Variants in ZNF354B observed in about 807,000 individuals in gnomAD.
ZNF354B encodes the protein zinc finger protein 354B.
In ZNF354B, 10 loss-of-function variants were observed where a neutral mutation model predicts 12.9. The ratio of observed to expected loss-of-function variants is 0.77; its 90% CI spans 0.48 to 1.31. The LOEUF is 1.31. Ranked by LOEUF, ZNF354B falls within the 40% of genes most tolerant of loss-of-function variation. ZNF354B has a pLI of 0.00. For missense variants in ZNF354B, 614 were observed against 711.7 expected (o/e 0.86, Z 1.56); for synonymous variants, 260 against 243.7 (o/e 1.07, Z -0.62).
In ZNF354B at chr5:178,864,493, A is replaced by T. The variant is rs12652691; in HGVS notation, c.34-1751A>T. On this transcript the variant is annotated intron_variant, in intron 2 of 4. Coordinates refer to ENST00000322434, the MANE Select transcript of ZNF354B (RefSeq NM_058230.3). Reference sequence around the variant, plus strand: ...AGAATGTACCTCCATCGTTAATGCGACACACGACTGTGTACTCTATATATT... The same window carrying T: ...AGAATGTACCTCCATCGTTAATGCGTCACACGACTGTGTACTCTATATATT... Among the ~76,000 whole-genome samples, 1,225 of 152,308 alleles carry T rather than the reference A, an allele frequency of 8.0e-3. 63 individuals are homozygous for T. The East Asian group carries it at 0.13, about 16-fold the overall frequency.
At chr5:178,872,726 C>G (rs1757582042) in intron 4 of ZNF354B, among the ~76,000 whole-genome samples, 1 of 152,212 alleles carries the variant, frequency 6.6e-6, no homozygotes, top group South Asian at 2.1e-4. Context: ...TTGTGTGTTG[C>G]TAACATCTGT....
intron 4 of ZNF354B, among the ~76,000 whole-genome samples, chr5:178,869,152 C>G (rs1757515830): frequency 6.6e-6 from 1 of 152,136 alleles, no homozygotes; most frequent in South Asian, 2.1e-4. Flanking sequence ...AGGCTGCATT[C>G]TGCAGCTGCC....
intron 4 of ZNF354B, among the ~76,000 whole-genome samples, chr5:178,872,561 A>T (rs1040261212): frequency 6.6e-6 from 1 of 152,196 alleles, no homozygotes; most frequent in African/African-American, 2.4e-5. Flanking sequence ...AGACATAGCC[A>T]AGTTGTTTTC....
intron 4 of ZNF354B, among the ~76,000 whole-genome samples, chr5:178,872,658 C>G (rs1757581324): frequency 6.6e-6 from 1 of 152,172 alleles, no homozygotes; most frequent in African/African-American, 2.4e-5. Flanking sequence ...TGCCTTGGTA[C>G]TACTATTTAT....
intron 2 of ZNF354B, 131 bp downstream of exon 2, chr5:178,861,211 G>A: frequency 8.7e-7 from 1 of 1,146,122 alleles, no homozygotes; most frequent in Non-Finnish European, 1.3e-6. Flanking sequence ...CCGCCCTCAT[G>A]ACTGGTGGAT....
chr5:178,876,425 T>C (rs959430913), intron 4 of ZNF354B, among the ~76,000 whole-genome samples: 10 of 152,344 alleles, frequency 6.6e-5, no homozygotes, highest in Middle Eastern at 3.4e-3. Context: ...TGCCTCTCCC[T>C]TCGGGAGCTC....
intron 4 of ZNF354B, among the ~76,000 whole-genome samples, chr5:178,872,924 T>G (rs938358909): frequency 1.3e-4 from 20 of 152,036 alleles, no homozygotes; most frequent in African/African-American, 4.8e-4. Context: ...GTAGCTGGGA[T>G]TACAGGTGCA....
At chr5:178,868,211 A>G (rs1468765770) in intron 4 of ZNF354B, among the ~76,000 whole-genome samples, 3 of 150,464 alleles carry the variant, frequency 2.0e-5, no homozygotes, top group Non-Finnish European at 4.4e-5. Context: ...GCCCATCAGC[A>G]TGACGGGCAT....
chr5:178,865,850 T>G (rs936129933), intron 2 of ZNF354B, among the ~76,000 whole-genome samples: 1 of 110,042 alleles, frequency 9.1e-6, no homozygotes, highest in African/African-American at 4.4e-5. Flanking sequence ...TTGTTTCCTG[T>G]TTTTTTTTGC....
chr5:178,873,256 C>T lies in ZNF354B; in HGVS notation c.256+6185C>T, dbSNP rs117829390. Among the ~76,000 whole-genome samples the T allele has an allele frequency of 5.3e-5, 8 of 152,176 alleles. No homozygotes were observed. The East Asian group carries it at 1.5e-3, about 29-fold the overall frequency. ...CTTACTCTGTAGTTTGTCTTTTTAT[C>T]GTTTTTACTGGTTCTTTTGAAGAAC... On this transcript the variant is annotated intron_variant, in intron 4 of 4. Coordinates refer to ENST00000322434, the MANE Select transcript of ZNF354B (RefSeq NM_058230.3).
chr5:178,883,072 T>A lies in ZNF354B; in HGVS notation c.620T>A (p.Ile207Asn), dbSNP rs144838417. The A allele has an allele frequency of 1.2e-6, 2 of 1,605,428 alleles. No homozygotes were observed. The highest frequency in any genetic ancestry group is 1.7e-6 in the Non-Finnish European group (2 of 1,177,860). Reference protein sequence around the residue: ...QNSNLLNQSKIKTAEKRYKCS... With the variant: ...QNSNLLNQSKNKTAEKRYKCS... ...TCAAATTTACTTAACCAATCAAAAA[T>A]CAAAACAGCAGAGAAACGCTATAAA... The change falls in exon 5 of 5, where the codon ATC (isoleucine) becomes AAC (asparagine). Residue 207 changes from isoleucine (I) to asparagine (N), a missense_variant. By Grantham distance (149) the Ile-to-Asn change is moderately radical (BLOSUM62 -3). Coordinates refer to ENST00000322434, the MANE Select transcript of ZNF354B (RefSeq NM_058230.3).
At chr5:178,870,817 C>T (rs1413683342) in intron 4 of ZNF354B, among the ~76,000 whole-genome samples, 1 of 152,030 alleles carries the variant, frequency 6.6e-6, no homozygotes, top group Admixed American at 6.6e-5. Context: ...CCCTGTAGCC[C>T]TATTGCATTT....
rs1031245461 is a variant in ZNF354B at position 178,884,018 on chromosome 5, T to C, written c.1566T>C (p.Tyr522=). Residue 522 remains tyrosine, a synonymous_variant, in exon 5 of 5, where the codon TAT becomes TAC. Coordinates refer to ENST00000322434, the MANE Select transcript of ZNF354B (RefSeq NM_058230.3). The part of the protein sequence containing the change: ...HQRIHTGEKP[Y]RCLECGMSFG... ...GAATTCATACTGGAGAGAAACCATA[T>C]CGATGTTTAGAATGTGGGATGTCTT... is the stretch of plus-strand genomic sequence containing the variant. 3 of 1,613,996 alleles carry C rather than the reference T, an allele frequency of 1.9e-6. No homozygotes were observed. The African/African-American group carries it at 4.0e-5, about 22-fold the overall frequency.
intron 4 of ZNF354B, among the ~76,000 whole-genome samples, chr5:178,869,165 C>T (rs1581810599): frequency 2.0e-5 from 3 of 152,236 alleles, no homozygotes; most frequent in East Asian, 3.9e-4. Context: ...CAGCTGCCAG[C>T]GCATGTGAGG....
chr5:178,868,211 A>C (rs1468765770), intron 4 of ZNF354B, among the ~76,000 whole-genome samples: 2 of 150,582 alleles, frequency 1.3e-5, no homozygotes, highest in East Asian at 3.9e-4. Flanking sequence ...GCCCATCAGC[A>C]TGACGGGCAT....
chr5:178,873,864 A>G lies in ZNF354B; in HGVS notation c.256+6793A>G, dbSNP rs952473399. Among the ~76,000 whole-genome samples the G allele has an allele frequency of 1.7e-4, 26 of 151,830 alleles. 1 individual carries two copies. The highest frequency in any genetic ancestry group is 9.2e-4 in the Admixed American group (14 of 15,260). ...GTGTTTAGTCTTCCAATCTGTGAACATGATATGTCGTTCTATTTATTGAGG... is the reference window on the plus strand; with the variant it reads ...GTGTTTAGTCTTCCAATCTGTGAACGTGATATGTCGTTCTATTTATTGAGG... On this transcript the variant is annotated intron_variant, in intron 4 of 4. Transcript: ENST00000322434.
At chr5:178,879,887 A>G in intron 4 of ZNF354B, among the ~76,000 whole-genome samples, 1 of 151,872 alleles carries the variant, frequency 6.6e-6, no homozygotes, top group East Asian at 1.9e-4. Flanking sequence ...CAGCACTTTG[A>G]GAGGCCAAGG....
intron 4 of ZNF354B, among the ~76,000 whole-genome samples, chr5:178,871,602 AAC>A (rs1197074672): frequency 1.3e-5 from 2 of 152,148 alleles, no homozygotes; most frequent in Non-Finnish European, 2.9e-5. Context: ...AAGAACCTAA[AAC>A]AGTCCCTGGC....
intron 4 of ZNF354B, among the ~76,000 whole-genome samples, chr5:178,882,418 G>T (rs1224819867): frequency 6.6e-6 from 1 of 151,876 alleles, no homozygotes; most frequent in African/African-American, 2.4e-5. Flanking sequence ...ATAGGCTTTG[G>T]GTACTAGATT....
Sources: gnomAD v4.1 joint callset for allele counts (sites outside exome capture counted in the v4.1 genomes callset) on GRCh38, gnomAD v4.1.1 for gene constraint, MANE v1.5 for transcripts, NCBI Gene and HGNC (gene_info 2026-07-23, HGNC 2026-07-21) for gene names.